SEMA3A: variants seen among roughly 807,000 people sequenced by gnomAD.
SEMA3A encodes semaphorin-3A.
A neutral mutation model predicts 97.9 loss-of-function variants in SEMA3A; 29 were observed. The observed-to-expected ratio is 0.30, with a 90% CI of 0.22 to 0.40. The LOEUF (loss-of-function observed/expected upper bound fraction) is 0.40. SEMA3A is among the 10% of genes least tolerant of loss of function. SEMA3A has a pLI of 1.00. For synonymous variants in SEMA3A, 321 were observed against 323.7 expected, an observed-to-expected ratio of 0.99 and a Z score of 0.09; for missense variants, 763 against 951.3, an observed-to-expected ratio of 0.80 and a Z score of 2.60.
chr7:84,362,542 A>T (rs1802751751), intron 2 of SEMA3A, among the ~76,000 whole-genome samples: 1 of 152,008 alleles, frequency 6.6e-6, no homozygotes. Flanking sequence ...ATGTCACTGT[A>T]AAATCATTAT....
At position 83,985,386 on chromosome 7, in the gene SEMA3A, C is replaced by T. The variant is rs761700077; in HGVS notation, c.1494+50G>A. On this transcript the variant is annotated intron_variant, in intron 13 of 16. Coordinates refer to ENST00000265362, the MANE Select transcript of SEMA3A (RefSeq NM_006080.3). ...TAAATAGATATATCTATTGAAACACCAGAATTAACAAAATATTGGATATTC... is the reference window on the plus strand; with the variant it reads ...TAAATAGATATATCTATTGAAACACTAGAATTAACAAAATATTGGATATTC... The T allele has an allele frequency of 6.0e-6, 8 of 1,326,450 alleles. No individual in the cohort carries two copies. In the South Asian group the frequency reaches 8.9e-5, roughly 15 times the overall value. The allele number at this position is 1,326,450 out of a possible 1,614,324, so 82.2% of individuals were successfully genotyped here.
At position 84,128,601 on chromosome 7, in the gene SEMA3A, T is replaced by C. The variant is rs118020078; in HGVS notation, c.333+522A>G. Among the ~76,000 whole-genome samples the C allele has an allele frequency of 7.5e-3, 1,141 of 152,288 alleles. 7 individuals are homozygous for C. The highest frequency in any genetic ancestry group is 0.012 in the Non-Finnish European group (840 of 68,006). Reference sequence around the variant, plus strand: ...ATTCTATACATAAATCTGTCAGTGTTCCAAAATTGAATACTATCATTTTAT... The same window carrying C: ...ATTCTATACATAAATCTGTCAGTGTCCCAAAATTGAATACTATCATTTTAT... On this transcript the variant is annotated intron_variant, in intron 3 of 16. Transcript: ENST00000265362.
chr7:84,280,859 T>C (rs907846555), intron 3 of SEMA3A, among the ~76,000 whole-genome samples: 28 of 152,122 alleles, frequency 1.8e-4, no homozygotes, highest in Non-Finnish European at 4.4e-5. Context: ...AATAGCAAAT[T>C]TTAAGCATTT....
At chr7:84,168,318 T>C (rs978319243) in intron 1 of SEMA3A, among the ~76,000 whole-genome samples, 1 of 152,088 alleles carries the variant, frequency 6.6e-6, no homozygotes, top group Non-Finnish European at 1.5e-5. Context: ...CTTTAAACTT[T>C]TTAAATTTAT....
rs532800972 is a variant in SEMA3A at position 84,467,051 on chromosome 7, C to T, written c.-246+25409G>A. Among the ~76,000 whole-genome samples the T allele has an allele frequency of 3.3e-5, 5 of 152,060 alleles. 1 individual carries two copies. In the East Asian group the frequency reaches 7.7e-4, roughly 23 times the overall value. ...ATGTCAGTTTTAAATTTAACTTTTT[C>T]GGGATTTTGGTATGTAGTTGAAGTT... On this transcript the variant is annotated intron_variant, in intron 1 of 3. Coordinates refer to the SEMA3A transcript ENST00000424555.
chr7:84,052,040 C>T (rs1317155001), intron 5 of SEMA3A, among the ~76,000 whole-genome samples: 1 of 152,032 alleles, frequency 6.6e-6, no homozygotes, highest in Admixed American at 6.6e-5. Context: ...TTGAACCAGC[C>T]TTGCATCCCA....
At chr7:84,191,838 A>G (rs1035981881) in intron 1 of SEMA3A, among the ~76,000 whole-genome samples, 7 of 151,850 alleles carry the variant, frequency 4.6e-5, no homozygotes, top group Admixed American at 3.9e-4. Context: ...TTTTTCTAAT[A>G]TTATCACTTC....
At chr7:84,018,738 G>A (rs1023974261) in intron 6 of SEMA3A, among the ~76,000 whole-genome samples, 1 of 152,120 alleles carries the variant, frequency 6.6e-6, no homozygotes, top group Non-Finnish European at 1.5e-5. Flanking sequence ...AAGGGAGGTG[G>A]TCAGAAATGA....
intron 1 of SEMA3A, among the ~76,000 whole-genome samples, chr7:84,407,515 A>G (rs1182029521): frequency 6.6e-6 from 1 of 151,948 alleles, no homozygotes; most frequent in Non-Finnish European, 1.5e-5. Flanking sequence ...GTTACCAATG[A>G]CTTTCTTCAC....
chr7:83,984,542 C>T (rs1249238970), intron 13 of SEMA3A, among the ~76,000 whole-genome samples: 2 of 144,506 alleles, frequency 1.4e-5, no homozygotes, highest in East Asian at 4.5e-4. Flanking sequence ...TCTCATTTTA[C>T]AATTTTGTAT....
At chr7:83,979,896 C>G (rs2116314119) in intron 14 of SEMA3A, among the ~76,000 whole-genome samples, 1 of 152,102 alleles carries the variant, frequency 6.6e-6, no homozygotes, top group South Asian at 2.1e-4. Context: ...ACCAAATATT[C>G]AAACTGATAC....
chr7:84,386,039 T>C (rs1476104246), intron 1 of SEMA3A, among the ~76,000 whole-genome samples: 1 of 152,208 alleles, frequency 6.6e-6, no homozygotes, highest in East Asian at 1.9e-4. Flanking sequence ...TATTCTAAGA[T>C]TTTTTATTGT....
At chr7:84,272,758 A>G (rs185483358) in intron 3 of SEMA3A, among the ~76,000 whole-genome samples, 1 of 152,262 alleles carries the variant, frequency 6.6e-6, no homozygotes, top group Admixed American at 6.5e-5. Flanking sequence ...AGCATCTGGA[A>G]AACTGTACTA....
At chr7:84,123,132 T>C (rs144731107) in intron 3 of SEMA3A, among the ~76,000 whole-genome samples, 2 of 152,282 alleles carry the variant, frequency 1.3e-5, no homozygotes, top group African/African-American at 4.8e-5. Context: ...AGAGAGCTAT[T>C]GATTCAAAAC....
intron 3 of SEMA3A, among the ~76,000 whole-genome samples, chr7:84,249,404 T>TATCTATC (rs1554351593): frequency 6.6e-6 from 1 of 151,950 alleles, no homozygotes; most frequent in African/African-American, 2.4e-5. Flanking sequence ...TCTATCTATC[T>TATCTATC]ATCTATCTAT....
intron 16 of SEMA3A, 48 bp downstream of exon 16, chr7:83,963,157 A>T: frequency 6.3e-7 from 1 of 1,589,428 alleles, no homozygotes; most frequent in Non-Finnish European, 8.6e-7. Flanking sequence ...GATTACATTT[A>T]ACAGTGTATC....
chr7:84,351,082 C>T (rs980001590), intron 2 of SEMA3A, among the ~76,000 whole-genome samples: 48 of 152,020 alleles, frequency 3.2e-4, no homozygotes, highest in African/African-American at 1.1e-3. Context: ...CACACACACA[C>T]ACACACACAC....
intron 1 of SEMA3A, among the ~76,000 whole-genome samples, chr7:84,382,535 C>G (rs2681434): frequency 0.12 from 18,341 of 151,180 alleles, 2,061 homozygotes; most frequent in East Asian, 0.35. Context: ...GATCCTGTTT[C>G]AAATTCAAAT....
At chr7:84,109,744 G>A (rs1365889850) in intron 4 of SEMA3A, among the ~76,000 whole-genome samples, 3 of 152,052 alleles carry the variant, frequency 2.0e-5, no homozygotes, top group Non-Finnish European at 2.9e-5. Context: ...TTCTCACCAC[G>A]TGAACACTTT....
Sources: allele counts gnomAD v4.1 joint callset (sites outside exome capture counted in the v4.1 genomes callset), GRCh38; gene constraint gnomAD v4.1.1; transcripts MANE v1.5; gene names NCBI Gene and HGNC (gene_info 2026-07-23, HGNC 2026-07-21).